Variants in PPWD1 observed in about 807,000 individuals in gnomAD.
PPWD1 encodes peptidylprolyl isomerase domain and WD repeat containing 1.
A neutral mutation model predicts 68.8 loss-of-function variants in PPWD1; 43 were observed. That is an observed-to-expected ratio of 0.62 (90% CI 0.49 to 0.81). The LOEUF (loss-of-function observed/expected upper bound fraction) is 0.81. PPWD1 is among the 30% of genes least tolerant of loss of function. PPWD1 has a pLI of 0.00. For missense variants in PPWD1, 672 were observed against 804.8 expected, an observed-to-expected ratio of 0.83 and a Z score of 2.00; for synonymous variants, 232 against 258.7, an observed-to-expected ratio of 0.90 and a Z score of 0.99.
At chr5:65,564,463 G>C (rs1463623327) in intron 1 of PPWD1, among the ~76,000 whole-genome samples, 1 of 152,014 alleles carries the variant, frequency 6.6e-6, no homozygotes, top group African/African-American at 2.4e-5. Context: ...CGAGTAGCTG[G>C]GGCTACAGGC....
intron 6 of PPWD1, 126 bp from the exon 7 acceptor site, chr5:65,579,297 TA>T: frequency 7.7e-7 from 1 of 1,293,550 alleles, no homozygotes; most frequent in Non-Finnish European, 1.0e-6. Context: ...GAAACACTTT[TA>T]AAAATCTTTC....
chr5:65,578,795 T>TAC (rs1554122886), intron 6 of PPWD1, among the ~76,000 whole-genome samples: 1,124 of 95,274 alleles, frequency 0.012, 19 homozygotes, highest in African/African-American at 0.042. Flanking sequence ...TATATATATA[T>TAC]ACATATATAT....
At chr5:65,578,082 A>T (rs998572169) in intron 6 of PPWD1, among the ~76,000 whole-genome samples, 1 of 152,218 alleles carries the variant, frequency 6.6e-6, no homozygotes, top group African/African-American at 2.4e-5. Flanking sequence ...AGAATGTGAT[A>T]TAGCTAAAAT....
chr5:65,579,145 G>A lies in PPWD1; in HGVS notation c.1161-279G>A, dbSNP rs542648710. 2.0e-5 allele frequency among the ~76,000 whole-genome samples: 3 copies of A among 152,172 alleles called. No individual in the cohort carries two copies. In the South Asian group the frequency reaches 6.2e-4, roughly 32 times the overall value. ...TTGGCCAGGCTGGTCTCGAACTCCTGACCTCAAGTGATCTGCCTGCCTCGG... is the reference window on the plus strand; with the variant it reads ...TTGGCCAGGCTGGTCTCGAACTCCTAACCTCAAGTGATCTGCCTGCCTCGG... On this transcript the variant is annotated intron_variant, in intron 6 of 10. Transcript: ENST00000261308.
At chr5:65,581,109 T>C (rs1485609360) in intron 7 of PPWD1, among the ~76,000 whole-genome samples, 1 of 152,150 alleles carries the variant, frequency 6.6e-6, no homozygotes, top group East Asian at 1.9e-4. Context: ...ATTTGATAAA[T>C]GTATGAAATA....
In PPWD1 at chr5:65,586,198, T is replaced by G; in HGVS notation, c.1797+17T>G. The stretch of plus-strand genomic sequence containing the variant: ...GTACCAACGGTAAGTACAGTATCAT[T>G]GTTTATAAACTACAGATTGATAGGT... On this transcript the variant is annotated intron_variant, in intron 10 of 10. Coordinates refer to ENST00000261308, the MANE Select transcript of PPWD1 (RefSeq NM_015342.4). 1 of 1,600,550 alleles carries G rather than the reference T, an allele frequency of 6.2e-7. No homozygotes were observed. The highest frequency in any genetic ancestry group is 8.5e-7 in the Non-Finnish European group (1 of 1,171,964).
chr5:65,579,707 C>A, intron 7 of PPWD1, 94 bp downstream of exon 7: 1 of 870,842 alleles, frequency 1.1e-6, no homozygotes, highest in Non-Finnish European at 1.6e-6. Context: ...AGAATGTTGG[C>A]ACTAATAGCA....
intron 1 of PPWD1, chr5:65,563,981 T>A: frequency 1.3e-6 from 1 of 774,732 alleles, no homozygotes; most frequent in Non-Finnish European, 2.1e-6. Context: ...ACACTTCCAC[T>A]AATAAATTTT....
In PPWD1 at chr5:65,572,089, A is replaced by G; in HGVS notation, c.772A>G (p.Lys258Glu). ...CTGGACTGGGCCTCCTCATGAATATAAATTCCCCAAAAATGTGAACTGGGA... is the reference window on the plus strand; with the variant it reads ...CTGGACTGGGCCTCCTCATGAATATGAATTCCCCAAAAATGTGAACTGGGA... ...EYWTGPPHEYKFPKNVNWEYK... is the reference protein window; with the variant it reads ...EYWTGPPHEYEFPKNVNWEYK... The change falls in exon 5 of 11, where the codon AAA (lysine) becomes GAA (glutamate). Residue 258 changes from lysine to glutamate, a missense_variant. Lys to Glu is a moderately conservative substitution (Grantham distance 56). Coordinates refer to ENST00000261308, the MANE Select transcript of PPWD1 (RefSeq NM_015342.4). 6.2e-7 allele frequency: 1 copy of G among 1,613,868 alleles called. No individual in the cohort carries two copies. Among genetic ancestry groups the G allele is most frequent in the Non-Finnish European group, 8.5e-7 (1 of 1,179,730 alleles).
chr5:65,564,856 T>C (rs1429500598), intron 1 of PPWD1, among the ~76,000 whole-genome samples: 1 of 152,218 alleles, frequency 6.6e-6, no homozygotes, highest in Non-Finnish European at 1.5e-5. Flanking sequence ...TCCACTGAAC[T>C]GACTTTTGGT....
chr5:65,579,136 C>T (rs1181574636), intron 6 of PPWD1, among the ~76,000 whole-genome samples: 1 of 152,032 alleles, frequency 6.6e-6, no homozygotes, highest in African/African-American at 2.4e-5. Flanking sequence ...AGGCTGGTCT[C>T]GAACTCCTGA....
Position 65,585,075 on chromosome 5 carries a change from A to G in PPWD1, c.1594A>G (p.Thr532Ala). Residue 532 changes from threonine to alanine, a missense_variant, in exon 9 of 11, where the codon ACA becomes GCA. This residue lies in a region of PPWD1 where 484 missense variants were observed against 646.2 expected (regional missense o/e 0.75). Coordinates refer to ENST00000261308, the MANE Select transcript of PPWD1 (RefSeq NM_015342.4). ...HSRNGYYNGH[T>A]FHRIIKGFMI... is the part of the protein sequence containing the mutation. ...CAGAAATGGTTATTATAATGGGCAT[A>G]CATTTCACCGTATAATTAAGGTAAG... The G allele has an allele frequency of 1.2e-6, 2 of 1,611,742 alleles. No homozygotes were observed. The highest frequency in any genetic ancestry group is 1.7e-6 in the Non-Finnish European group (2 of 1,178,052).
chr5:65,566,155 T>C (rs1403582023), intron 1 of PPWD1, among the ~76,000 whole-genome samples: 1 of 152,188 alleles, frequency 6.6e-6, no homozygotes, highest in Non-Finnish European at 1.5e-5. Context: ...CTGGATCAGA[T>C]AGGATTAAGT....
chr5:65,567,659 A>T (rs1323103867), intron 2 of PPWD1, 44 bp downstream of exon 2: 2 of 1,282,804 alleles, frequency 1.6e-6, no homozygotes, highest in African/African-American at 1.5e-5. Flanking sequence ...AGTTTATTTA[A>T]AAAAAAAAAA....
chr5:65,574,831 A>G (rs1753212321), intron 5 of PPWD1, among the ~76,000 whole-genome samples: 1 of 152,242 alleles, frequency 6.6e-6, no homozygotes, highest in Non-Finnish European at 1.5e-5. Flanking sequence ...GTTGTCTTCA[A>G]CATTTGCTTA....
In PPWD1 at chr5:65,567,563, T is replaced by C; in HGVS notation, c.247T>C (p.Tyr83His). Residue 83 changes from tyrosine to histidine, a missense_variant, in exon 2 of 11, where the codon TAT (tyrosine) becomes CAT (histidine). Around this residue, in one of 2 missense-constraint regions of PPWD1, gnomAD observed 188 missense variants for 158.6 expected, o/e 1.19. Transcript: ENST00000261308. ...YLDNLPSASMYERSYMHRDVI... is the reference protein window; with the variant it reads ...YLDNLPSASMHERSYMHRDVI... ...TGATAATCTCCCCAGTGCATCCATG[T>C]ATGAGCGCAGTTACATGCATAGAGA... The C allele has an allele frequency of 6.2e-7, 1 of 1,612,844 alleles. No individual in the cohort carries two copies. The highest frequency in any genetic ancestry group is 8.5e-7 in the Non-Finnish European group (1 of 1,179,194).
Position 65,585,142 on chromosome 5 carries a change from C to T in PPWD1, c.1614+47C>T, listed in dbSNP as rs770145307. 7 of 1,523,352 alleles carry T rather than the reference C, an allele frequency of 4.6e-6. No individual in the cohort carries two copies. The African/African-American group carries it at 6.9e-5, about 15-fold the overall frequency. The allele number at this position is 1,523,352 out of a possible 1,614,324, so 94.4% of individuals were successfully genotyped here. The stretch of plus-strand genomic sequence containing the variant: ...TCATATAAGAAATACTGTATTATTA[C>T]ATAGCAAGAGATTTAAGCGCAAGGA... On this transcript the variant is annotated intron_variant, in intron 9 of 10. Transcript: ENST00000261308.
chr5:65,573,516 G>GT (rs869214238), intron 5 of PPWD1, among the ~76,000 whole-genome samples: 246 of 15,428 alleles, frequency 0.016, 70 homozygotes, highest in Non-Finnish European at 0.024. Flanking sequence ...AGTACAGATG[G>GT]TTTTTTTTTT....
chr5:65,563,682 C>T, intron 1 of PPWD1, 176 bp downstream of exon 1: 5 of 1,339,258 alleles, frequency 3.7e-6, no homozygotes, highest in African/African-American at 1.5e-5. Context: ...GTGATTTAAG[C>T]GTAGTACAAC....
Sources: gnomAD v4.1 joint callset for allele counts (sites outside exome capture counted in the v4.1 genomes callset) on GRCh38, gnomAD v4.1.1 for gene constraint, gnomAD v4.1.1 regional missense constraint, MANE v1.5 for transcripts, NCBI Gene and HGNC (gene_info 2026-07-23, HGNC 2026-07-21) for gene names.